ZBTB46: variants seen among roughly 807,000 people sequenced by gnomAD.
ZBTB46 encodes zinc finger and BTB domain containing 46, also known as zinc finger and BTB domain-containing protein 46.
In ZBTB46, 8 loss-of-function variants were observed where a neutral mutation model predicts 44.1. The observed-to-expected ratio is 0.18, with a 90% CI of 0.11 to 0.33. The LOEUF is 0.33. Among genes scored for constraint, ZBTB46 ranks in the 10% least tolerant of loss-of-function variants. The pLI is 1.00. For synonymous variants in ZBTB46, 409 were observed against 382.3 expected, an observed-to-expected ratio of 1.07 and a Z score of -0.81; for missense variants, 651 against 847.7, an observed-to-expected ratio of 0.77 and a Z score of 2.88.
intron 1 of ZBTB46, among the ~76,000 whole-genome samples, chr20:63,800,502 G>C (rs1265090981): frequency 6.6e-6 from 1 of 152,250 alleles, no homozygotes; most frequent in South Asian, 2.1e-4. Flanking sequence ...CACTGTGGGA[G>C]CCCCTTCCTG....
intron 3 of ZBTB46, chr20:63,769,391 C>T: frequency 1.0e-6 from 1 of 985,410 alleles, no homozygotes; most frequent in Non-Finnish European, 1.2e-6. Context: ...GCCCTGGGAA[C>T]ACAGGAAAGG....
intron 3 of ZBTB46, among the ~76,000 whole-genome samples, chr20:63,759,091 TTTATCA>T (rs2092251586): frequency 6.6e-6 from 1 of 152,180 alleles, no homozygotes; most frequent in African/African-American, 2.4e-5. Context: ...TCTCCCTTCA[TTTATCA>T]TTATCTTCTT....
intron 1 of ZBTB46, among the ~76,000 whole-genome samples, chr20:63,793,929 G>A (rs2145945371): frequency 6.6e-6 from 1 of 152,272 alleles, no homozygotes; most frequent in African/African-American, 2.4e-5. Context: ...GCTCACGCCT[G>A]TAATCCCAGC....
intron 3 of ZBTB46, among the ~76,000 whole-genome samples, chr20:63,761,507 G>A (rs915178363): frequency 1.3e-5 from 2 of 152,060 alleles, no homozygotes; most frequent in Non-Finnish European, 2.9e-5. Flanking sequence ...ATTTTGGCCA[G>A]GCACGGTGGC....
intron 2 of ZBTB46, among the ~76,000 whole-genome samples, chr20:63,784,278 C>T (rs1018271565): frequency 6.6e-6 from 1 of 152,224 alleles, no homozygotes; most frequent in African/African-American, 2.4e-5. Flanking sequence ...TCGAAGACCA[C>T]CCTACCCTGA....
chr20:63,797,071 A>C (rs767941197), intron 1 of ZBTB46, among the ~76,000 whole-genome samples: 25 of 152,164 alleles, frequency 1.6e-4, no homozygotes, highest in Non-Finnish European at 3.2e-4. Context: ...GGTTTGTTAC[A>C]TACGTACACA....
chr20:63,829,227 C>T (rs182154376), intron 1 of ZBTB46, among the ~76,000 whole-genome samples: 3 of 152,302 alleles, frequency 2.0e-5, no homozygotes, highest in African/African-American at 7.2e-5. Context: ...AGGTAACAGT[C>T]CACCCAACCC....
intron 1 of ZBTB46, among the ~76,000 whole-genome samples, chr20:63,796,151 G>A (rs1395892083): frequency 6.6e-6 from 1 of 152,226 alleles, no homozygotes; most frequent in South Asian, 2.1e-4. Flanking sequence ...GGGCAGACTG[G>A]GGTTATTTTT....
chr20:63,777,198 C>T (rs1000768579), intron 2 of ZBTB46, among the ~76,000 whole-genome samples: 1 of 152,106 alleles, frequency 6.6e-6, no homozygotes, highest in Non-Finnish European at 1.5e-5. Flanking sequence ...GGCCAGGCAC[C>T]GTGGCTCACG....
intron 2 of ZBTB46, among the ~76,000 whole-genome samples, chr20:63,788,642 C>T (rs540326807): frequency 1.3e-5 from 2 of 152,058 alleles, no homozygotes; most frequent in African/African-American, 4.8e-5. Flanking sequence ...AGTTCGAGAC[C>T]ATCCTGGCCA....
intron 3 of ZBTB46, among the ~76,000 whole-genome samples, chr20:63,753,075 G>C (rs1195768131): frequency 6.6e-6 from 1 of 152,198 alleles, no homozygotes. Context: ...TGCCAGCAAG[G>C]CTGAGCCCCA....
At chr20:63,816,702 CG>C (rs2092760570) in intron 1 of ZBTB46, among the ~76,000 whole-genome samples, 1 of 152,134 alleles carries the variant, frequency 6.6e-6, no homozygotes, top group Admixed American at 6.6e-5. Flanking sequence ...AACCTGCAAA[CG>C]TGACCTTATT....
At chr20:63,825,330 G>A (rs921948239) in intron 1 of ZBTB46, among the ~76,000 whole-genome samples, 3 of 150,828 alleles carry the variant, frequency 2.0e-5, no homozygotes, top group Non-Finnish European at 4.4e-5. Flanking sequence ...GAACCCGGGA[G>A]GCAGAGGTTG....
At chr20:63,814,594 A>AG (rs1327742037) in intron 1 of ZBTB46, among the ~76,000 whole-genome samples, 1 of 152,062 alleles carries the variant, frequency 6.6e-6, no homozygotes, top group Non-Finnish European at 1.5e-5. Context: ...TCCCACCCCC[A>AG]GGCAAGGGTC....
At chr20:63,804,665 A>G (rs1051131661) in intron 1 of ZBTB46, among the ~76,000 whole-genome samples, 3 of 152,036 alleles carry the variant, frequency 2.0e-5, no homozygotes, top group Non-Finnish European at 4.4e-5. Flanking sequence ...AGGCCAAGGC[A>G]GGTGGATCAC....
Position 63,775,897 on chromosome 20 carries a change from C to T in ZBTB46, c.1003G>A (p.Ala335Thr). The T allele has an allele frequency of 6.2e-7, 1 of 1,609,674 alleles. No homozygotes were observed. ...DSRGERAELY[A>T]QVEEGLLGGE... The stretch of plus-strand genomic sequence containing the variant: ...CCCAGGAGACCCTCCTCCACCTGTG[C>T]ATAGAGCTCGGCCCTCTCTCCTCGG... The change falls in exon 3 of 5, where the codon GCA (alanine) becomes ACA (threonine). Residue 335 changes from alanine to threonine, a missense_variant. By Grantham distance (58) the Ala-to-Thr change is moderately conservative. Transcript: ENST00000245663.
intron 3 of ZBTB46, among the ~76,000 whole-genome samples, chr20:63,764,153 T>C (rs964962556): frequency 9.9e-5 from 15 of 152,024 alleles, no homozygotes; most frequent in African/African-American, 2.9e-4. Context: ...AAAAAATTTA[T>C]AGGCCAAGCA....
rs1416966008 is a variant in ZBTB46 at position 63,803,537 on chromosome 20, C to T, written c.-33-12747G>A. ...CATGTGGCCATCTGAAGATGCAAAG[C>T]CATGTCTGCCGGCCCCGGGCTGCCC... On this transcript the variant is annotated intron_variant, in intron 1 of 4. Transcript: ENST00000245663. This position sits in a 1 kb window ranked among gnomAD's most constrained non-coding sequence, Gnocchi z 4.0. 3 of 983,830 alleles carry T rather than the reference C, an allele frequency of 3.0e-6. No individual in the cohort carries two copies. The East Asian group carries it at 3.4e-4, about 112-fold the overall frequency. 60.9% of individuals were successfully genotyped at this position (983,830 alleles called of 1,614,324 possible). A position where few individuals can be genotyped will look rare whatever the true frequency, so the allele number is the denominator to read the frequency against.
chr20:63,814,160 G>C (rs1159114081), intron 1 of ZBTB46, among the ~76,000 whole-genome samples: 1 of 150,978 alleles, frequency 6.6e-6, no homozygotes, highest in Non-Finnish European at 1.5e-5. Flanking sequence ...ATGAACCCGG[G>C]AGGCAGAGCT....
Sources: gnomAD v4.1 joint callset for allele counts (sites outside exome capture counted in the v4.1 genomes callset) on GRCh38, gnomAD v4.1.1 for gene constraint, Gnocchi (gnomAD v3.1) non-coding constraint, MANE v1.5 for transcripts, NCBI Gene and HGNC (gene_info 2026-07-23, HGNC 2026-07-21) for gene names.